The following UBR3 variants were observed in gnomAD, a reference collection of about 807,000 sequenced individuals.
UBR3 encodes the protein ubiquitin protein ligase E3 component n-recognin 3.
A neutral mutation model predicts 243.2 loss-of-function variants in UBR3; 85 were observed. The observed-to-expected ratio is 0.35, with a 90% CI of 0.29 to 0.42. The LOEUF (loss-of-function observed/expected upper bound fraction) is 0.42, where lower values mean the gene tolerates loss of function less well. Ranked by LOEUF, UBR3 falls within the 10% of genes least tolerant of loss-of-function variation. The pLI, the probability that UBR3 is intolerant of heterozygous loss-of-function variation, is 1.00. For missense variants in UBR3, 1,686 were observed against 2,300.8 expected (o/e 0.73, Z 5.47); for synonymous variants, 748 against 799.8 (o/e 0.94, Z 1.09).
intron 26 of UBR3, among the ~76,000 whole-genome samples, chr2:169,996,978 C>T (rs1175214967): frequency 1.3e-5 from 2 of 151,716 alleles, no homozygotes; most frequent in East Asian, 1.9e-4. Context: ...GGATTACAGG[C>T]GTGAGCCACC....
chr2:169,890,544 T>TATATATACAC (rs1553504427), intron 5 of UBR3, among the ~76,000 whole-genome samples: 913 of 55,814 alleles, frequency 0.016, 33 homozygotes, highest in African/African-American at 0.048. Flanking sequence ...GAGAGAGATA[T>TATATATACAC]ATATATATAT....
intron 1 of UBR3, among the ~76,000 whole-genome samples, chr2:169,849,947 G>C (rs2082602315): frequency 6.6e-6 from 1 of 152,146 alleles, no homozygotes; most frequent in African/African-American, 2.4e-5. Context: ...TCTAGTTGAT[G>C]ACTGCTGATA....
At chr2:169,895,663 T>C (rs897110142) in intron 7 of UBR3, among the ~76,000 whole-genome samples, 1 of 152,202 alleles carries the variant, frequency 6.6e-6, no homozygotes, top group African/African-American at 2.4e-5. Context: ...GCTATAAGAA[T>C]GTTTAATGGG....
At chr2:169,964,790 C>T (rs1252727006) in intron 24 of UBR3, 2 of 449,242 alleles carry the variant, frequency 4.5e-6, no homozygotes, top group Non-Finnish European at 9.0e-6. Flanking sequence ...TTATTGACTC[C>T]ATGTCCTAAT....
chr2:169,974,521 C>G (rs1052497402), intron 24 of UBR3, among the ~76,000 whole-genome samples: 3 of 151,982 alleles, frequency 2.0e-5, no homozygotes, highest in Non-Finnish European at 4.4e-5. Flanking sequence ...GTTTCTTATT[C>G]ATTTCTGATT....
chr2:169,933,589 C>T (rs2086218280), intron 19 of UBR3, among the ~76,000 whole-genome samples: 1 of 152,100 alleles, frequency 6.6e-6, no homozygotes. Context: ...TCTTTTTAAA[C>T]CTTAATAGTT....
intron 5 of UBR3, among the ~76,000 whole-genome samples, 166 bp from the exon 6 acceptor site, chr2:169,890,999 A>C (rs2084353530): frequency 6.6e-6 from 1 of 151,396 alleles, no homozygotes; most frequent in African/African-American, 2.4e-5. Context: ...TGTATTTTAA[A>C]ATCAAAATTA....
chr2:169,876,353 T>G (rs2083609919), intron 3 of UBR3, among the ~76,000 whole-genome samples: 1 of 152,206 alleles, frequency 6.6e-6, no homozygotes, highest in Non-Finnish European at 1.5e-5. Flanking sequence ...GTGCTGGGAT[T>G]ACAGGCGTGA....
At chr2:170,056,469 A>G (rs556268421) in intron 33 of UBR3, among the ~76,000 whole-genome samples, 3 of 152,218 alleles carry the variant, frequency 2.0e-5, no homozygotes, top group Non-Finnish European at 4.4e-5. Flanking sequence ...GCTTGAGAAC[A>G]AATGAGATAC....
At chr2:169,979,994 A>G (rs2088643629) in intron 24 of UBR3, among the ~76,000 whole-genome samples, 1 of 152,248 alleles carries the variant, frequency 6.6e-6, no homozygotes, top group African/African-American at 2.4e-5. Flanking sequence ...AAACAACCTC[A>G]CTGAAAAGAG....
Position 170,081,781 on chromosome 2 carries a change from T to C in UBR3, c.5605T>C (p.Trp1869Arg). 6.2e-7 allele frequency: 1 copy of C among 1,609,088 alleles called. No homozygotes were observed. Among genetic ancestry groups the C allele is most frequent in the Non-Finnish European group, 8.5e-7 (1 of 1,177,320 alleles). ...KERYKVLEQQ[W>R]ISHTFDHINK... ...AAGATACAAAGTTCTTGAGCAACAG[T>C]GGATTTCTCATACTTTTGATCACAT... The change falls in exon 39 of 39, where the codon TGG becomes CGG. Residue 1869 changes from tryptophan (W) to arginine (R), a missense_variant. Coordinates refer to ENST00000272793, the MANE Select transcript of UBR3 (RefSeq NM_172070.4).
Position 169,827,627 on chromosome 2 carries a change from C to T in UBR3, c.120C>T (p.Ser40=), listed in dbSNP as rs2081783453. The T allele has an allele frequency of 4.7e-6, 6 of 1,267,478 alleles. No homozygotes were observed. The East Asian group carries it at 9.8e-5, about 21-fold the overall frequency. 78.5% of individuals were successfully genotyped at this position (1,267,478 alleles called of 1,614,324 possible). ...ATAAHLKAAL[S]RPDNRAGAEE... ...CCGCGCACCTCAAGGCGGCCCTCAG[C>T]CGGCCGGACAACCGCGCAGGTGCTG... is the stretch of plus-strand genomic sequence containing the variant. The change falls in exon 1 of 39, where the codon AGC becomes AGT. Residue 40 remains serine, a synonymous_variant. Transcript: ENST00000272793.
At chr2:169,939,071 T>TA (rs1185007014) in intron 19 of UBR3, among the ~76,000 whole-genome samples, 2 of 152,132 alleles carry the variant, frequency 1.3e-5, no homozygotes, top group Non-Finnish European at 2.9e-5. Context: ...ATTTAATGAT[T>TA]AAAAAAATCT....
At chr2:170,024,353 CAAAAAAAAAAAA>C (rs10606818) in intron 30 of UBR3, among the ~76,000 whole-genome samples, 3 of 101,954 alleles carry the variant, frequency 2.9e-5, no homozygotes, top group Non-Finnish European at 5.6e-5. Flanking sequence ...GACTCCATCT[CAAAAAAAAAAAA>C]AAAAAAAAAA....
intron 23 of UBR3, among the ~76,000 whole-genome samples, chr2:169,955,233 CAATT>C (rs765978604): frequency 2.0e-5 from 3 of 152,174 alleles, no homozygotes; most frequent in Non-Finnish European, 4.4e-5. Flanking sequence ...CCCCACTTTA[CAATT>C]AATACGTAAT....
Position 169,905,110 on chromosome 2 carries a change from T to C in UBR3, c.1466-4T>C. ...ATTTTTGGGTTGTGTGTGTCTTTTT[T>C]TAGATGAAGAAAATAGTTTACATGT... On this transcript the variant is annotated splice_polypyrimidine_tract_variant and splice_region_variant and intron_variant, in intron 8 of 38. Transcript: ENST00000272793. The C allele has an allele frequency of 6.9e-7, 1 of 1,453,756 alleles. No homozygotes were observed. The highest frequency in any genetic ancestry group is 9.1e-7 in the Non-Finnish European group (1 of 1,102,294). The allele number at this position is 1,453,756 out of a possible 1,614,324, so 90.1% of individuals were successfully genotyped here.
rs1021591938 is a variant in UBR3 at position 169,887,683 on chromosome 2, A to T, written c.1039-3482A>T. On this transcript the variant is annotated intron_variant, in intron 5 of 38. Transcript: ENST00000272793. ...GTTGAATAAGTAGAAAATAAATATT[A>T]ACAAAAAGATAACATTACCTAAATC... Among the ~76,000 whole-genome samples, 2 of 152,232 alleles carry T rather than the reference A, an allele frequency of 1.3e-5. 1 individual carries two copies. Among genetic ancestry groups the T allele is most frequent in the Non-Finnish European group, 2.9e-5 (2 of 68,042 alleles).
In UBR3 at chr2:169,877,619, A is replaced by C. The variant is rs1027694231; in HGVS notation, c.970A>C (p.Ser324Arg). The C allele has an allele frequency of 5.8e-6, 9 of 1,545,426 alleles. No homozygotes were observed. The African/African-American group carries it at 9.6e-5, about 17-fold the overall frequency. Residue 324 changes from serine to arginine, a missense_variant, in exon 4 of 39, where the codon AGT (serine) becomes CGT (arginine). Transcript: ENST00000272793. ...YGVQEPSAGT[S>R]SLAVQGFIGA... ...TGTGCAGGAGCCATCTGCTGGTACTAGTTCTCTGGCTGTTCAAGGTTTGTC... is the reference window on the plus strand; with the variant it reads ...TGTGCAGGAGCCATCTGCTGGTACTCGTTCTCTGGCTGTTCAAGGTTTGTC...
At position 169,851,123 on chromosome 2, in the gene UBR3, TTTC is replaced by T. The variant is rs202160233; in HGVS notation, c.546-21104_546-21102del. ...TTAACGTCTACCACCTTGCTAATTT[TTTC>T]TTCTTCTTTTTTTTCTGAGACAGGG... On this transcript the variant is annotated intron_variant, in intron 1 of 38. Coordinates refer to ENST00000272793, the MANE Select transcript of UBR3 (RefSeq NM_172070.4). Among the ~76,000 whole-genome samples, 197 of 152,310 alleles carry T rather than the reference TTTC, an allele frequency of 1.3e-3. 1 individual carries two copies. The East Asian group carries it at 0.024, about 19-fold the overall frequency.
Sources: gnomAD v4.1 joint callset for allele counts (sites outside exome capture counted in the v4.1 genomes callset) on GRCh38, gnomAD v4.1.1 for gene constraint, MANE v1.5 for transcripts, NCBI Gene and HGNC (gene_info 2026-07-23, HGNC 2026-07-21) for gene names.